The following TTLL4 variants were observed in gnomAD, a reference collection of about 807,000 sequenced individuals.
The protein encoded by TTLL4 is tubulin tyrosine ligase like 4, also known as tubulin monoglutamylase TTLL4.
In TTLL4, 85 loss-of-function variants were observed where a neutral mutation model predicts 122.7. That is an observed-to-expected ratio of 0.69 (90% CI 0.58 to 0.83). The LOEUF (loss-of-function observed/expected upper bound fraction) is 0.83. TTLL4 is among the 40% of genes least tolerant of loss of function. The pLI is 0.00. For synonymous variants in TTLL4, 553 were observed against 563.0 expected (o/e 0.98, Z 0.25); for missense variants, 1,363 against 1,488.6 (o/e 0.92, Z 1.39).
downstream of TTLL4, among the ~76,000 whole-genome samples, chr2:218,756,027 A>G (rs1050466624): frequency 3.3e-5 from 5 of 152,066 alleles, no homozygotes; most frequent in East Asian, 1.9e-4. Flanking sequence ...TGACACTCCT[A>G]TTGGATCTTT....
chr2:218,749,052 G>C (rs898349395), intron 13 of TTLL4, 118 bp downstream of exon 13: 9 of 1,286,778 alleles, frequency 7.0e-6, no homozygotes, highest in Admixed American at 6.3e-5. Context: ...TAAGGACAGA[G>C]AATAGGAAGG....
At chr2:218,722,930 C>T (rs192089303) in intron 1 of TTLL4, among the ~76,000 whole-genome samples, 5 of 152,190 alleles carry the variant, frequency 3.3e-5, no homozygotes, top group African/African-American at 4.8e-5. Context: ...ACAGGCATGT[C>T]GGGAGTTTCT....
intron 16 of TTLL4, 93 bp from the exon 17 acceptor site, chr2:218,752,670 C>T: frequency 2.9e-6 from 4 of 1,383,996 alleles, no homozygotes; most frequent in Non-Finnish European, 4.1e-6. Context: ...TGTAGGACCC[C>T]AGGGGTGTGC....
chr2:218,756,737 A>C (rs923958869), downstream of TTLL4, among the ~76,000 whole-genome samples: 6 of 152,326 alleles, frequency 3.9e-5, no homozygotes, highest in Admixed American at 2.0e-4. Context: ...TCCTAAGTTG[A>C]TAACTTACCT....
At chr2:218,725,818 G>C (rs1942173847) in intron 1 of TTLL4, among the ~76,000 whole-genome samples, 2 of 152,100 alleles carry the variant, frequency 1.3e-5, no homozygotes, top group African/African-American at 4.8e-5. Context: ...AGCCTCCCAA[G>C]GTGCTGGGAT....
Position 218,740,073 on chromosome 2 carries a change from C to T in TTLL4, c.1503C>T (p.Leu501=). 1 of 1,614,122 alleles carries T rather than the reference C, an allele frequency of 6.2e-7. No individual in the cohort carries two copies. Among genetic ancestry groups the T allele is most frequent in the African/African-American group, 1.3e-5 (1 of 75,040 alleles). The change falls in exon 4 of 20, where the codon CTC becomes CTT. Residue 501 remains leucine, a synonymous_variant. Transcript: ENST00000392102. ...SDRDISSATD[L]QPDQAETEDT... is the part of the protein sequence containing the mutation. ...TTTCTTTTAGTTCAGCTACTGACCTCCAGCCAGATCAGGCTGAGACTGAAG... is the reference window on the plus strand; with the variant it reads ...TTTCTTTTAGTTCAGCTACTGACCTTCAGCCAGATCAGGCTGAGACTGAAG...
At chr2:218,726,754 A>G (rs1942210378) in intron 1 of TTLL4, among the ~76,000 whole-genome samples, 1 of 151,080 alleles carries the variant, frequency 6.6e-6, no homozygotes, top group Admixed American at 6.6e-5. Flanking sequence ...GGCGTGAGCC[A>G]CCACGCCTGG....
chr2:218,753,572 C>G lies in TTLL4; in HGVS notation c.3259-12C>G. On this transcript the variant is annotated splice_polypyrimidine_tract_variant and intron_variant, in intron 18 of 19. Transcript: ENST00000392102. ...CCAAGCCTTTTGGTCTCATTGCTTC[C>G]TTTGCTCTTAGTGGTCTCTCCCGAC... The G allele has an allele frequency of 1.2e-6, 2 of 1,614,060 alleles. No homozygotes were observed. Among genetic ancestry groups the G allele is most frequent in the Non-Finnish European group, 1.7e-6 (2 of 1,179,990 alleles).
Position 218,745,755 on chromosome 2 carries a change from C to T in TTLL4, c.1851C>T (p.Asn617=), listed in dbSNP as rs780705662. 1 of 1,613,628 alleles carries T rather than the reference C, an allele frequency of 6.2e-7. No homozygotes were observed. The highest frequency in any genetic ancestry group is 8.5e-7 in the Non-Finnish European group (1 of 1,179,872). Reference sequence around the variant, plus strand: ...GGAAGATGAGCACAGTGACCCCCAACATTGTCAAGCAGACCATTGGACGGT... The same window carrying T: ...GGAAGATGAGCACAGTGACCCCCAATATTGTCAAGCAGACCATTGGACGGT... The part of the protein sequence containing the change: ...LRWKMSTVTP[N]IVKQTIGRSH... The change falls in exon 7 of 20, where the codon AAC becomes AAT. Residue 617 remains asparagine (N), a synonymous_variant. Coordinates refer to ENST00000392102, the MANE Select transcript of TTLL4 (RefSeq NM_014640.5).
chr2:218,729,762 A>C (rs962812765), intron 2 of TTLL4, among the ~76,000 whole-genome samples: 3 of 142,266 alleles, frequency 2.1e-5, no homozygotes, highest in South Asian at 2.1e-4. Flanking sequence ...AAAAAAAAAA[A>C]CAAAAAAAAA....
At chr2:218,745,513 C>T in intron 6 of TTLL4, 178 bp from the exon 7 acceptor site, 2 of 640,476 alleles carry the variant, frequency 3.1e-6, no homozygotes, top group East Asian at 2.7e-5. Flanking sequence ...GTTCCTCATT[C>T]CTGCACAGCC....
At chr2:218,714,828 C>T (rs1245096964) in intron 1 of TTLL4, among the ~76,000 whole-genome samples, 2 of 151,884 alleles carry the variant, frequency 1.3e-5, no homozygotes, top group Non-Finnish European at 2.9e-5. Flanking sequence ...AGGCTGGTCT[C>T]GAACTCCTGG....
intron 2 of TTLL4, among the ~76,000 whole-genome samples, chr2:218,730,187 G>A (rs937722074): frequency 1.3e-5 from 2 of 151,838 alleles, no homozygotes; most frequent in Admixed American, 6.6e-5. Flanking sequence ...AGAAATGGAG[G>A]TTAGGCATGG....
intron 1 of TTLL4, among the ~76,000 whole-genome samples, chr2:218,718,285 G>A (rs566689047): frequency 4.6e-5 from 7 of 152,302 alleles, no homozygotes; most frequent in Admixed American, 3.3e-4. Context: ...ATGAATAATT[G>A]CTTTCTCTAG....
At chr2:218,745,408 C>G in intron 6 of TTLL4, 175 bp downstream of exon 6, 1 of 808,028 alleles carries the variant, frequency 1.2e-6, no homozygotes. Flanking sequence ...TTTTTCTTGT[C>G]TGTCCTTTAG....
chr2:218,724,625 C>T (rs562686449), intron 1 of TTLL4, among the ~76,000 whole-genome samples: 1 of 152,250 alleles, frequency 6.6e-6, no homozygotes, highest in Non-Finnish European at 1.5e-5. Flanking sequence ...TTTATGGCTC[C>T]ATAATATTCC....
intron 1 of TTLL4, among the ~76,000 whole-genome samples, chr2:218,718,012 A>G (rs1452730403): frequency 6.6e-6 from 1 of 151,980 alleles, no homozygotes; most frequent in Non-Finnish European, 1.5e-5. Flanking sequence ...GATGGTTTTG[A>G]TCTCCTGACC....
chr2:218,749,108 TC>T, intron 13 of TTLL4, 144 bp from the exon 14 acceptor site: 1 of 1,293,396 alleles, frequency 7.7e-7, no homozygotes, highest in Non-Finnish European at 1.1e-6. Context: ...CAGGAGCTGG[TC>T]CCAGATCAGA....
chr2:218,740,205 G>A, intron 4 of TTLL4, 38 bp downstream of exon 4: 1 of 1,594,722 alleles, frequency 6.3e-7, no homozygotes, highest in Non-Finnish European at 8.6e-7. Context: ...CTAGGAGTTG[G>A]TTATGACCTG....
Sources: allele counts gnomAD v4.1 joint callset (sites outside exome capture counted in the v4.1 genomes callset), GRCh38; gene constraint gnomAD v4.1.1; transcripts MANE v1.5; gene names NCBI Gene and HGNC (gene_info 2026-07-23, HGNC 2026-07-21).